HCRTR2: variants seen among roughly 807,000 people sequenced by gnomAD.
The protein encoded by HCRTR2 is hypocretin receptor 2, also known as orexin receptor type 2.
In HCRTR2, 22 loss-of-function variants were observed where a neutral mutation model predicts 49.0. The ratio of observed to expected loss-of-function variants is 0.45; its 90% CI spans 0.32 to 0.64. HCRTR2 has a LOEUF of 0.64. Among genes scored for constraint, HCRTR2 ranks in the 30% least tolerant of loss-of-function variants. The probability of loss-of-function intolerance (pLI) is 0.04; values close to 1 mark genes in which losing one functional copy is unlikely to be tolerated. For synonymous variants in HCRTR2, 236 were observed against 205.3 expected (o/e 1.15, Z -1.28); for missense variants, 491 against 559.4 (o/e 0.88, Z 1.23).
At chr6:55,241,024 C>T (rs140322795) in intron 1 of HCRTR2, among the ~76,000 whole-genome samples, 1 of 150,718 alleles carries the variant, frequency 6.6e-6, no homozygotes, top group East Asian at 2.0e-4. Context: ...GCACAATGTG[C>T]AGGTTAGTTA....
chr6:55,139,621 G>A (rs1764479722), intron 1 of HCRTR2, among the ~76,000 whole-genome samples: 1 of 152,116 alleles, frequency 6.6e-6, no homozygotes, highest in Non-Finnish European at 1.5e-5. Context: ...ATATGCAATG[G>A]TGGCAAGATC....
intron 1 of HCRTR2, among the ~76,000 whole-genome samples, chr6:55,221,629 C>T (rs181705359): frequency 2.6e-5 from 4 of 151,666 alleles, no homozygotes; most frequent in East Asian, 2.0e-4. Flanking sequence ...CTGGCTAACA[C>T]AGTGAAACCC....
At chr6:55,175,130 T>G (rs1325566176) in intron 1 of HCRTR2, among the ~76,000 whole-genome samples, 1 of 151,618 alleles carries the variant, frequency 6.6e-6, no homozygotes, top group Non-Finnish European at 1.5e-5. Context: ...AGTGTGTGTG[T>G]GTGTGGGTGG....
intron 1 of HCRTR2, among the ~76,000 whole-genome samples, chr6:55,115,072 A>G (rs564358409): frequency 3.9e-5 from 6 of 151,948 alleles, no homozygotes; most frequent in African/African-American, 1.4e-4. Flanking sequence ...ATTTTCCAAT[A>G]GTGTTTGCAG....
chr6:55,188,402 G>A (rs1292605541), intron 1 of HCRTR2, among the ~76,000 whole-genome samples: 2 of 152,160 alleles, frequency 1.3e-5, no homozygotes, highest in African/African-American at 2.4e-5. Context: ...TGAATGCTGA[G>A]TTAGCATCAG....
At chr6:55,208,537 G>A (rs1025688367) in intron 1 of HCRTR2, among the ~76,000 whole-genome samples, 4 of 151,710 alleles carry the variant, frequency 2.6e-5, no homozygotes, top group African/African-American at 9.7e-5. Context: ...TCATAAATGT[G>A]CCTCACTGAT....
chr6:55,166,533 A>G (rs958673603), intron 1 of HCRTR2, among the ~76,000 whole-genome samples: 1 of 152,070 alleles, frequency 6.6e-6, no homozygotes, highest in African/African-American at 2.4e-5. Flanking sequence ...CACCCATTAT[A>G]ATTTACAAAG....
chr6:55,110,900 C>T (rs899853887), intron 1 of HCRTR2, among the ~76,000 whole-genome samples: 44 of 151,972 alleles, frequency 2.9e-4, no homozygotes, highest in Non-Finnish European at 5.9e-5. Context: ...CAGAACATCC[C>T]ACTGACAACT....
Position 55,192,413 on chromosome 6 carries a change from G to GCGCGCGCACACACACA in HCRTR2, c.223+17604_223+17605insGCGCGCACACACACAC, listed in dbSNP as rs139180472. Among the ~76,000 whole-genome samples the GCGCGCGCACACACACA allele has an allele frequency of 8.6e-5, 11 of 128,450 alleles. No homozygotes were observed. In the Admixed American group the frequency reaches 9.4e-4, roughly 11 times the overall value. 84.3% of individuals were successfully genotyped at this position (128,450 alleles called of 152,430 possible). On this transcript the variant is annotated intron_variant, in intron 1 of 6. Coordinates refer to ENST00000370862, the MANE Select transcript of HCRTR2 (RefSeq NM_001384272.1). Reference sequence around the variant, plus strand: ...TAAACACACACACACGCGCGCGCGCGCACACACACACACACACACACACAC... The same window carrying GCGCGCGCACACACACA: ...TAAACACACACACACGCGCGCGCGCGCGCGCGCACACACACACACACACACACACACACACACACAC...
intron 1 of HCRTR2, among the ~76,000 whole-genome samples, chr6:55,190,870 T>C (rs1765303832): frequency 1.3e-5 from 2 of 152,180 alleles, no homozygotes; most frequent in Admixed American, 6.6e-5. Context: ...ATCTACACTT[T>C]AAATAGAGCC....
chr6:55,246,790 T>C (rs1386723497), intron 1 of HCRTR2, among the ~76,000 whole-genome samples: 1 of 152,092 alleles, frequency 6.6e-6, no homozygotes, highest in African/African-American at 2.4e-5. Context: ...CCTAGTGTTA[T>C]TATGATGAAA....
Position 55,277,473 on chromosome 6 carries a change from ATGAGCGCT to A in HCRTR2, c.857_864del (p.Met286SerfsTer4). On this transcript the variant is annotated frameshift_variant, in exon 5 of 7. Transcript: ENST00000370862. LOFTEE classifies it high-confidence loss of function. ...GCCAGGACAGCCAACGAAGTCCCGG[ATGAGCGCT>A]GTGGCGGCTGAAATAAAGCAGATCC... 6.2e-7 allele frequency: 1 copy of A among 1,614,130 alleles called. No homozygotes were observed. The highest frequency in any genetic ancestry group is 8.5e-7 in the Non-Finnish European group (1 of 1,179,998).
chr6:55,219,038 TCTTAAA>T (rs1765842107), intron 1 of HCRTR2, among the ~76,000 whole-genome samples: 2 of 152,136 alleles, frequency 1.3e-5, no homozygotes, highest in African/African-American at 4.8e-5. Flanking sequence ...GCCCAGCTGG[TCTTAAA>T]CTCTTGGGCT....
intron 1 of HCRTR2, among the ~76,000 whole-genome samples, chr6:55,120,107 T>C (rs1471787234): frequency 6.6e-6 from 1 of 152,164 alleles, no homozygotes; most frequent in Non-Finnish European, 1.5e-5. Flanking sequence ...TTCTGAGGCC[T>C]CTATTCTGTT....
At chr6:55,130,355 G>A (rs1007081169) in intron 1 of HCRTR2, among the ~76,000 whole-genome samples, 5 of 151,280 alleles carry the variant, frequency 3.3e-5, no homozygotes, top group Non-Finnish European at 7.4e-5. Context: ...TTTACCAGTT[G>A]GAGAATTGGT....
chr6:55,128,464 C>T (rs545785006), intron 1 of HCRTR2, among the ~76,000 whole-genome samples: 2 of 152,238 alleles, frequency 1.3e-5, no homozygotes, highest in Admixed American at 1.3e-4. Flanking sequence ...AGAAGAATGT[C>T]ATTGATAGTT....
At chr6:55,280,695 A>T (rs1767173304) in intron 6 of HCRTR2, among the ~76,000 whole-genome samples, 1 of 152,210 alleles carries the variant, frequency 6.6e-6, no homozygotes, top group African/African-American at 2.4e-5. Context: ...CATTCTGAGA[A>T]ATCAATAACA....
intron 1 of HCRTR2, among the ~76,000 whole-genome samples, chr6:55,225,135 G>T (rs1042130575): frequency 6.6e-6 from 1 of 151,824 alleles, no homozygotes; most frequent in Non-Finnish European, 1.5e-5. Flanking sequence ...ATTTTTATTT[G>T]TCAACTTAAA....
intron 1 of HCRTR2, among the ~76,000 whole-genome samples, chr6:55,223,452 A>G (rs533786433): frequency 1.3e-5 from 2 of 152,208 alleles, no homozygotes; most frequent in African/African-American, 4.8e-5. Context: ...TTAACACTAC[A>G]AAAGAGAAGA....
Sources: allele counts gnomAD v4.1 joint callset (sites outside exome capture counted in the v4.1 genomes callset), GRCh38; gene constraint gnomAD v4.1.1; transcripts MANE v1.5; gene names NCBI Gene and HGNC (gene_info 2026-07-23, HGNC 2026-07-21).